Variants in OPCML observed in about 807,000 individuals in gnomAD.
The protein encoded by OPCML is opioid binding protein/cell adhesion molecule like.
OPCML carries 13 observed loss-of-function variants against 37.8 expected under a neutral mutation model. The observed-to-expected ratio is 0.34, with a 90% CI of 0.22 to 0.55. OPCML has a LOEUF of 0.55. Among genes scored for constraint, OPCML ranks in the 20% least tolerant of loss-of-function variants. The probability of loss-of-function intolerance (pLI) is 0.91; values close to 1 mark genes in which losing one functional copy is unlikely to be tolerated. For synonymous variants in OPCML, 176 were observed against 168.8 expected, an observed-to-expected ratio of 1.04 and a Z score of -0.33; for missense variants, 341 against 435.6, an observed-to-expected ratio of 0.78 and a Z score of 1.93.
chr11:133,054,367 ACT>A (rs764611733), intron 1 of OPCML, among the ~76,000 whole-genome samples: 2 of 151,960 alleles, frequency 1.3e-5, no homozygotes, highest in Non-Finnish European at 2.9e-5. Flanking sequence ...TCACTTGCAG[ACT>A]CTATCTCCTT....
At chr11:133,321,161 C>T (rs964222068) in intron 1 of OPCML, among the ~76,000 whole-genome samples, 1 of 151,936 alleles carries the variant, frequency 6.6e-6, no homozygotes, top group African/African-American at 2.4e-5. Flanking sequence ...TAAGGAAATA[C>T]TTTTTTTAAA....
chr11:133,274,722 C>T (rs1351844199), intron 1 of OPCML, among the ~76,000 whole-genome samples: 24 of 152,210 alleles, frequency 1.6e-4, no homozygotes, highest in Admixed American at 1.6e-3. Flanking sequence ...TCCAGTTGAC[C>T]CTACGGCCAG....
intron 2 of OPCML, among the ~76,000 whole-genome samples, chr11:132,714,720 A>G (rs1424155841): frequency 6.6e-6 from 1 of 152,062 alleles, no homozygotes; most frequent in Non-Finnish European, 1.5e-5. Context: ...GCAAATTAGC[A>G]CCCCTGCGGC....
intron 1 of OPCML, among the ~76,000 whole-genome samples, chr11:133,433,374 T>C (rs1946167555): frequency 6.6e-6 from 1 of 152,214 alleles, no homozygotes; most frequent in Non-Finnish European, 1.5e-5. Flanking sequence ...TATTCTGCTT[T>C]TGAAAAATTG....
At chr11:133,344,990 T>C (rs1565583682) in intron 1 of OPCML, among the ~76,000 whole-genome samples, 1 of 152,174 alleles carries the variant, frequency 6.6e-6, no homozygotes, top group Non-Finnish European at 1.5e-5. Flanking sequence ...ATTACAGCCT[T>C]AGGCTCTTCC....
intron 3 of OPCML, among the ~76,000 whole-genome samples, chr11:132,619,893 A>T (rs1001601770): frequency 6.6e-6 from 1 of 151,556 alleles, no homozygotes; most frequent in African/African-American, 2.4e-5. Flanking sequence ...ATGGGAAAAT[A>T]TTCCCTAGTG....
chr11:133,424,572 GT>G (rs762389689), intron 1 of OPCML, among the ~76,000 whole-genome samples: 9 of 152,098 alleles, frequency 5.9e-5, no homozygotes, highest in Non-Finnish European at 1.0e-4. Flanking sequence ...TACACACAGT[GT>G]CCCATCCTGT....
intron 2 of OPCML, among the ~76,000 whole-genome samples, chr11:132,793,795 C>T (rs1938107949): frequency 6.6e-6 from 1 of 152,200 alleles, no homozygotes; most frequent in Non-Finnish European, 1.5e-5. Flanking sequence ...CGGTCCTCTT[C>T]ATCTCCTGCT....
intron 4 of OPCML, among the ~76,000 whole-genome samples, chr11:132,452,744 A>G (rs2096071901): frequency 6.6e-6 from 1 of 152,140 alleles, no homozygotes; most frequent in Non-Finnish European, 1.5e-5. Context: ...ACTAATAACT[A>G]AAGACCCTTT....
chr11:133,235,798 G>A (rs577235847), intron 1 of OPCML, among the ~76,000 whole-genome samples: 1 of 152,266 alleles, frequency 6.6e-6, no homozygotes, highest in African/African-American at 2.4e-5. Context: ...ACAAATGGGT[G>A]GGGAGTCAGG....
intron 2 of OPCML, among the ~76,000 whole-genome samples, chr11:132,884,619 G>C (rs1943340646): frequency 6.6e-6 from 1 of 152,176 alleles, no homozygotes; most frequent in Non-Finnish European, 1.5e-5. Flanking sequence ...TTACAAAATA[G>C]CATAGGCTTT....
chr11:132,873,960 G>A (rs896103370), intron 2 of OPCML, among the ~76,000 whole-genome samples: 1 of 152,142 alleles, frequency 6.6e-6, no homozygotes, highest in Non-Finnish European at 1.5e-5. Context: ...CCGCAGCCCT[G>A]TGGTGTTCTA....
intron 1 of OPCML, among the ~76,000 whole-genome samples, chr11:133,516,790 G>A (rs1356061832): frequency 1.3e-5 from 2 of 152,118 alleles, no homozygotes; most frequent in South Asian, 2.1e-4. Context: ...TTTTCTTCTC[G>A]CAAAGACTGT....
chr11:132,988,360 T>A (rs577143056), intron 1 of OPCML, among the ~76,000 whole-genome samples: 9 of 152,334 alleles, frequency 5.9e-5, no homozygotes, highest in African/African-American at 1.9e-4. Flanking sequence ...CTCATCTGCA[T>A]GAATAATGTA....
chr11:132,482,123 A>G (rs1256822397), intron 4 of OPCML, among the ~76,000 whole-genome samples: 14 of 150,016 alleles, frequency 9.3e-5, no homozygotes, highest in African/African-American at 2.9e-4. Flanking sequence ...AAATTAATGA[A>G]TCCAGGAGCT....
At position 132,542,245 on chromosome 11, in the gene OPCML, A is replaced by C. The variant is rs75526047; in HGVS notation, c.380-13059T>G. On this transcript the variant is annotated intron_variant, in intron 3 of 7. Transcript: ENST00000524381. ...GACGTGGAAAGATGCCTGGGCTGAGAATTAGGCCAGATGCATCCACACCTA... is the reference window on the plus strand; with the variant it reads ...GACGTGGAAAGATGCCTGGGCTGAGCATTAGGCCAGATGCATCCACACCTA... Among the ~76,000 whole-genome samples, 14 of 152,262 alleles carry C rather than the reference A, an allele frequency of 9.2e-5. No homozygotes were observed. In the East Asian group the frequency reaches 2.7e-3, roughly 29 times the overall value.
At chr11:133,143,627 A>C (rs1211620218) in intron 1 of OPCML, among the ~76,000 whole-genome samples, 2 of 152,310 alleles carry the variant, frequency 1.3e-5, no homozygotes, top group South Asian at 2.1e-4. Flanking sequence ...GCCCTTCCCC[A>C]TATCTCATCT....
chr11:133,338,272 G>A (rs891052861), intron 1 of OPCML, among the ~76,000 whole-genome samples: 4 of 152,110 alleles, frequency 2.6e-5, no homozygotes, highest in Non-Finnish European at 4.4e-5. Flanking sequence ...GCACTTACCC[G>A]CCACTGGCTC....
At chr11:133,014,826 C>G (rs904438526) in intron 1 of OPCML, among the ~76,000 whole-genome samples, 1 of 152,216 alleles carries the variant, frequency 6.6e-6, no homozygotes, top group South Asian at 2.1e-4. Flanking sequence ...AAGTCTCAAG[C>G]CCTCTCTCTC....
Sources: gnomAD v4.1 joint callset for allele counts (sites outside exome capture counted in the v4.1 genomes callset) on GRCh38, gnomAD v4.1.1 for gene constraint, MANE v1.5 for transcripts, NCBI Gene and HGNC (gene_info 2026-07-23, HGNC 2026-07-21) for gene names.